Variants in FMNL2 observed in about 807,000 individuals in gnomAD.
FMNL2 encodes the protein formin-like protein 2.
FMNL2 carries 51 observed loss-of-function variants against 130.2 expected under a neutral mutation model. The ratio of observed to expected loss-of-function variants is 0.39; its 90% confidence interval spans 0.31 to 0.49. The LOEUF (loss-of-function observed/expected upper bound fraction) is 0.49. Among genes scored for constraint, FMNL2 ranks in the 20% least tolerant of loss-of-function variants. FMNL2 has a pLI of 0.85. For synonymous variants in FMNL2, 465 were observed against 467.1 expected, an observed-to-expected ratio of 1.00 and a Z score of 0.06; for missense variants, 977 against 1,316.2, an observed-to-expected ratio of 0.74 and a Z score of 3.99.
At chr2:152,493,513 C>A (rs1266116404) in intron 1 of FMNL2, among the ~76,000 whole-genome samples, 1 of 152,094 alleles carries the variant, frequency 6.6e-6, no homozygotes, top group Admixed American at 6.5e-5. Context: ...GGAGGTGGAG[C>A]CTAGTGGGAG....
At chr2:152,394,788 A>G (rs913744899) in intron 1 of FMNL2, among the ~76,000 whole-genome samples, 1 of 151,374 alleles carries the variant, frequency 6.6e-6, no homozygotes, top group African/African-American at 2.4e-5. Context: ...CTTATTTATC[A>G]CAGGTTACCA....
intron 1 of FMNL2, among the ~76,000 whole-genome samples, chr2:152,506,526 AT>A (rs552600176): frequency 6.6e-6 from 1 of 151,920 alleles, no homozygotes; most frequent in Non-Finnish European, 1.5e-5. Context: ...GTACAGATGC[AT>A]TTTTTTTCAA....
chr2:152,437,346 C>T (rs1386698360), intron 1 of FMNL2, among the ~76,000 whole-genome samples: 1 of 152,090 alleles, frequency 6.6e-6, no homozygotes, highest in Non-Finnish European at 1.5e-5. Context: ...GGGTATATTT[C>T]ACCACTGGCC....
chr2:152,579,032 A>G (rs1307122816), intron 8 of FMNL2, 68 bp downstream of exon 8: 9 of 1,255,394 alleles, frequency 7.2e-6, no homozygotes, highest in Non-Finnish European at 4.5e-6. Context: ...TCAACACTTA[A>G]CCAAGTTTGA....
chr2:152,501,006 A>G (rs570298464), intron 1 of FMNL2, among the ~76,000 whole-genome samples: 51 of 152,378 alleles, frequency 3.3e-4, no homozygotes, highest in African/African-American at 1.1e-3. Flanking sequence ...CATACTGGCA[A>G]GGCAGGCCGG....
At chr2:152,432,333 A>G (rs143925996) in intron 1 of FMNL2, among the ~76,000 whole-genome samples, 30 of 152,178 alleles carry the variant, frequency 2.0e-4, no homozygotes, top group African/African-American at 7.0e-4. Context: ...TCATTCTCTG[A>G]TTTTGCAATA....
At chr2:152,450,673 A>ACTC (rs1688591389) in intron 1 of FMNL2, among the ~76,000 whole-genome samples, 1 of 151,442 alleles carries the variant, frequency 6.6e-6, no homozygotes, top group Non-Finnish European at 1.5e-5. Context: ...GCTCCTCCCT[A>ACTC]CTCCTCCCTT....
At chr2:152,457,107 A>G (rs78889246) in intron 1 of FMNL2, among the ~76,000 whole-genome samples, 13,108 of 152,190 alleles carry the variant, frequency 0.086, 849 homozygotes, top group Admixed American at 0.21. Flanking sequence ...AATATTGGAA[A>G]TAAATTAGAG....
At chr2:152,573,592 C>T (rs1275907961) in intron 6 of FMNL2, among the ~76,000 whole-genome samples, 1 of 152,050 alleles carries the variant, frequency 6.6e-6, no homozygotes, top group Non-Finnish European at 1.5e-5. Context: ...CTCTTCAGTG[C>T]TATGATTTTG....
intron 9 of FMNL2, among the ~76,000 whole-genome samples, chr2:152,605,003 G>A (rs1471653424): frequency 1.4e-5 from 2 of 147,742 alleles, no homozygotes; most frequent in East Asian, 4.4e-4. Context: ...AGAGATGCTT[G>A]TCTCTTTGGG....
chr2:152,518,331 G>C (rs1558931645), intron 1 of FMNL2, among the ~76,000 whole-genome samples: 1 of 152,204 alleles, frequency 6.6e-6, no homozygotes, highest in Non-Finnish European at 1.5e-5. Flanking sequence ...GGTTATTTTA[G>C]ATGCTTGGTG....
rs1367857669 is a variant in FMNL2 at position 152,619,832 on chromosome 2, C to T, written c.1837+114C>T. 1.6e-5 allele frequency: 24 copies of T among 1,488,160 alleles called. No homozygotes were observed. The African/African-American group carries it at 2.6e-4, about 16-fold the overall frequency. The allele number at this position is 1,488,160 out of a possible 1,614,324, so 92.2% of individuals were successfully genotyped here. Reference sequence around the variant, plus strand: ...CTCTTGCAATGATGTGTATCTCTTCCTAGTATAAGAAATTCCTGCTGATGT... The same window carrying T: ...CTCTTGCAATGATGTGTATCTCTTCTTAGTATAAGAAATTCCTGCTGATGT... On this transcript the variant is annotated intron_variant, in intron 15 of 25. Transcript: ENST00000288670.
chr2:152,615,205 G>C (rs1376717550), intron 12 of FMNL2, among the ~76,000 whole-genome samples: 1 of 152,082 alleles, frequency 6.6e-6, no homozygotes, highest in Non-Finnish European at 1.5e-5. Context: ...CTGTTGCTTT[G>C]CTTTAGCTCA....
At chr2:152,409,948 C>T (rs1686193139) in intron 1 of FMNL2, among the ~76,000 whole-genome samples, 1 of 152,006 alleles carries the variant, frequency 6.6e-6, no homozygotes, top group Non-Finnish European at 1.5e-5. Flanking sequence ...ACAATAATAG[C>T]TTAGTAATAG....
intron 1 of FMNL2, among the ~76,000 whole-genome samples, chr2:152,454,107 C>T (rs779927931): frequency 9.9e-5 from 15 of 150,874 alleles, no homozygotes; most frequent in Admixed American, 3.4e-4. Flanking sequence ...AACCCTGTCT[C>T]TGCTAAAAAT....
At chr2:152,340,604 A>G (rs905182700) in intron 1 of FMNL2, among the ~76,000 whole-genome samples, 1 of 152,262 alleles carries the variant, frequency 6.6e-6, no homozygotes, top group African/African-American at 2.4e-5. Flanking sequence ...TCTCCAAATC[A>G]GAAGGAATAG....
intron 2 of FMNL2, among the ~76,000 whole-genome samples, chr2:152,529,096 A>G (rs1334226307): frequency 1.3e-5 from 2 of 152,198 alleles, no homozygotes; most frequent in Non-Finnish European, 2.9e-5. Flanking sequence ...ACGATTACCA[A>G]TTTTGATAGT....
At chr2:152,531,776 AG>A (rs937707827) in intron 2 of FMNL2, among the ~76,000 whole-genome samples, 1 of 152,180 alleles carries the variant, frequency 6.6e-6, no homozygotes, top group African/African-American at 2.4e-5. Context: ...ATAAGATCTA[AG>A]GGGAAGGCAT....
chr2:152,418,373 G>A (rs946877336), intron 1 of FMNL2, among the ~76,000 whole-genome samples: 1 of 151,984 alleles, frequency 6.6e-6, no homozygotes, highest in African/African-American at 2.4e-5. Context: ...TGTATTGTTG[G>A]TGGTGCAATG....
Sources: gnomAD v4.1 joint callset for allele counts (sites outside exome capture counted in the v4.1 genomes callset) on GRCh38, gnomAD v4.1.1 for gene constraint, MANE v1.5 for transcripts, NCBI Gene and HGNC (gene_info 2026-07-23, HGNC 2026-07-21) for gene names.